Variants in P2RX5 observed in about 807,000 individuals in gnomAD.
P2RX5 encodes purinergic receptor P2X 5, also known as P2X purinoceptor 5.
P2RX5 carries 46 observed loss-of-function variants against 54.1 expected under a neutral mutation model. The ratio of observed to expected loss-of-function variants is 0.85; its 90% CI spans 0.67 to 1.09. The LOEUF (loss-of-function observed/expected upper bound fraction) is 1.09. P2RX5 is among the 50% of genes least tolerant of loss of function. The pLI, the probability that P2RX5 is intolerant of heterozygous loss-of-function variation, is 0.00. For missense variants in P2RX5, 566 were observed against 549.8 expected (o/e 1.03, Z -0.29); for synonymous variants, 226 against 226.4 (o/e 1.00, Z 0.02).
chr17:3,677,343 C>G lies in P2RX5; in HGVS notation c.1259+2247G>C, dbSNP rs897515673. The G allele has an allele frequency of 1.9e-4, 184 of 961,494 alleles. 1 individual carries two copies. In the African/African-American group the frequency reaches 3.6e-3, roughly 19 times the overall value. The allele number at this position is 961,494 out of a possible 1,614,324, so 59.6% of individuals were successfully genotyped here. A position where few individuals can be genotyped will look rare whatever the true frequency, so the allele number is the denominator to read the frequency against. ...GGGCAGGTCCATATTCCCCGGGCGT[C>G]CCGAGGCTGGTGGAGTCAGATGGAG... On this transcript the variant is annotated intron_variant, in intron 11 of 11. Coordinates refer to ENST00000225328, the MANE Select transcript of P2RX5 (RefSeq NM_002561.4).
At chr17:3,706,626 C>A in the P2RX5 span, among the ~76,000 whole-genome samples, 1 of 152,166 alleles carries the variant, frequency 6.6e-6, no homozygotes, top group African/African-American at 2.4e-5. Context: ...CAGATCCAAG[C>A]CAAGCTAGAG....
intron 1 of P2RX5, among the ~76,000 whole-genome samples, chr17:3,694,063 C>T (rs72835855): frequency 0.061 from 9,289 of 152,034 alleles, 347 homozygotes; most frequent in Non-Finnish European, 0.084. Context: ...AGCCACTACA[C>T]TCAGCGGTGT....
chr17:3,701,850 G>A, the P2RX5 span, among the ~76,000 whole-genome samples: 4 of 147,394 alleles, frequency 2.7e-5, no homozygotes, highest in East Asian at 2.1e-4. Context: ...CTGCCTCCCC[G>A]GCTCAAGTGA....
the P2RX5 span, chr17:3,716,657 C>T: frequency 7.9e-7 from 1 of 1,273,620 alleles, no homozygotes; most frequent in Non-Finnish European, 1.1e-6. Flanking sequence ...GCCCAGTCTT[C>T]CCTCACTGTG....
chr17:3,690,930 C>T (rs199969828), intron 3 of P2RX5, 26 bp downstream of exon 3: 27 of 1,602,828 alleles, frequency 1.7e-5, no homozygotes, highest in Middle Eastern at 1.7e-4. Context: ...CCCACCCCCA[C>T]GCCAGGGCCC....
At chr17:3,690,203 C>T (rs2050571303) in intron 5 of P2RX5, 53 bp from the exon 6 acceptor site, 1 of 1,512,708 alleles carries the variant, frequency 6.6e-7, no homozygotes, top group Admixed American at 1.7e-5. Context: ...CTGTGCCCCT[C>T]CCCCAGGCCT....
Position 3,681,938 on chromosome 17 carries a change from T to C in P2RX5, c.1022A>G (p.Lys341Arg), listed in dbSNP as rs1357628527. 6.2e-7 allele frequency: 1 copy of C among 1,613,862 alleles called. No individual in the cohort carries two copies. The highest frequency in any genetic ancestry group is 1.3e-5 in the African/African-American group (1 of 75,038). ...CTTGTCACGGTAAAACTCTCTCTTT[T>C]TGATGAGGTAGATGAGTACCAGGTC... is the stretch of plus-strand genomic sequence containing the variant. ...FCDLVLIYLI[K>R]KREFYRDKKY... Residue 341 changes from lysine to arginine, a missense_variant, in exon 10 of 12, where the codon AAA (lysine) becomes AGA (arginine). Lys to Arg is a conservative substitution (Grantham distance 26). Transcript: ENST00000225328.
upstream of P2RX5, among the ~76,000 whole-genome samples, chr17:3,699,913 GGAAGGAAAGAAA>G (rs1170544067): frequency 2.1e-4 from 9 of 42,872 alleles, no homozygotes; most frequent in African/African-American, 4.6e-4. Flanking sequence ...AAGGAAGGAA[GGAAGGAAAGAAA>G]GAAAGAAAGA....
chr17:3,716,859 CAT>C, the P2RX5 span: 61 of 959,010 alleles, frequency 6.4e-5, no homozygotes, highest in Non-Finnish European at 9.2e-5. Flanking sequence ...AAAAATCCTA[CAT>C]GTTATTTTAA....
chr17:3,700,619 G>A (rs2567872), upstream of P2RX5, among the ~76,000 whole-genome samples: 59,233 of 151,736 alleles, frequency 0.39, 13,778 homozygotes, highest in South Asian at 0.61. Context: ...TGCTGCTTTC[G>A]AGTGATACAG....
upstream of P2RX5, among the ~76,000 whole-genome samples, chr17:3,698,610 A>T (rs1307982417): frequency 6.6e-6 from 1 of 152,152 alleles, no homozygotes; most frequent in Admixed American, 6.5e-5. Flanking sequence ...ACTGCCAGGC[A>T]CTTGCCCTCC....
upstream of P2RX5, among the ~76,000 whole-genome samples, chr17:3,699,501 T>G (rs998633906): frequency 2.6e-5 from 4 of 151,098 alleles, no homozygotes. Flanking sequence ...TAGTGAGCAA[T>G]TATCGCAAAT....
At chr17:3,720,189 C>A in the P2RX5 span, 1 of 599,294 alleles carries the variant, frequency 1.7e-6, no homozygotes, top group Non-Finnish European at 3.0e-6. Context: ...GATGGCAGAG[C>A]CAAGATCAGA....
intron 10 of P2RX5, among the ~76,000 whole-genome samples, chr17:3,681,169 A>G (rs1007906099): frequency 2.6e-5 from 4 of 152,150 alleles, no homozygotes; most frequent in South Asian, 2.1e-4. Context: ...GCGCACGGCT[A>G]TAACCCAGGG....
chr17:3,692,792 T>TG (rs2050654158), intron 1 of P2RX5, among the ~76,000 whole-genome samples: 1 of 152,088 alleles, frequency 6.6e-6, no homozygotes, highest in African/African-American at 2.4e-5. Flanking sequence ...CAGTGAGCCA[T>TG]GATTGTGCCC....
Position 3,695,873 on chromosome 17 carries a change from C to G in P2RX5, c.133G>C (p.Val45Leu), listed in dbSNP as rs778456320. 1 of 1,613,438 alleles carries G rather than the reference C, an allele frequency of 6.2e-7. No homozygotes were observed. The highest frequency in any genetic ancestry group is 1.7e-5 in the Admixed American group (1 of 60,022). The change falls in exon 1 of 12, where the codon GTC becomes CTC. Residue 45 changes from valine (V) to leucine (L), a missense_variant. Coordinates refer to ENST00000225328, the MANE Select transcript of P2RX5 (RefSeq NM_002561.4). ...AAAAGTCCGCGGAGAACTTACACGA[C>G]CAGGTACGCCAGGATGGAGGCCTGC... ...LLQASILAYL[V>L]VWVFLIKKGY... is the part of the protein sequence containing the mutation.
Position 3,690,461 on chromosome 17 carries a change from CA to C in P2RX5, c.498del (p.Phe166LeufsTer17). ...GAGCTTGTCTCCAACGGGCACCAGG[CA>C]AAGATCTCACAGGTGCCCCTGGCCA... ...ENLARGTCEIFAWCPLETSSR... is the reference protein window; with the variant it reads ...ENLARGTCEIXAWCPLETSSR... On this transcript the variant is annotated frameshift_variant, in exon 5 of 12. Coordinates refer to ENST00000225328, the MANE Select transcript of P2RX5 (RefSeq NM_002561.4). LOFTEE classifies it high-confidence loss of function. 1 of 1,612,960 alleles carries C rather than the reference CA, an allele frequency of 6.2e-7. No individual in the cohort carries two copies. The highest frequency in any genetic ancestry group is 8.5e-7 in the Non-Finnish European group (1 of 1,179,744).
At chr17:3,700,273 G>A (rs988797670), upstream of P2RX5, among the ~76,000 whole-genome samples, 1 of 152,062 alleles carries the variant, frequency 6.6e-6, no homozygotes, top group Admixed American at 6.6e-5. Context: ...TGTGGCTCAC[G>A]CCTGTAATCC....
chr17:3,700,477 A>G (rs1389557405), upstream of P2RX5, among the ~76,000 whole-genome samples: 4 of 151,700 alleles, frequency 2.6e-5, no homozygotes, highest in Non-Finnish European at 5.9e-5. Context: ...AGCTTGCAGT[A>G]AGCCGAGACT....
Sources: gnomAD v4.1 joint callset for allele counts (sites outside exome capture counted in the v4.1 genomes callset) on GRCh38, gnomAD v4.1.1 for gene constraint, MANE v1.5 for transcripts, NCBI Gene and HGNC (gene_info 2026-07-23, HGNC 2026-07-21) for gene names.